MYO3B: variants seen among roughly 807,000 people sequenced by gnomAD.
MYO3B encodes myosin-IIIb.
MYO3B carries 156 observed loss-of-function variants against 174.6 expected under a neutral mutation model. The observed-to-expected ratio is 0.89, with a 90% CI of 0.78 to 1.02. The LOEUF is 1.02. Ranked by LOEUF, MYO3B falls within the 50% of genes least tolerant of loss-of-function variation. MYO3B has a pLI of 0.00. For synonymous variants in MYO3B, 563 were observed against 569.1 expected (o/e 0.99, Z 0.15); for missense variants, 1,632 against 1,639.4 (o/e 1.00, Z 0.08).
chr2:170,542,940 GA>G lies in MYO3B; in HGVS notation c.3611del (p.Asp1204ValfsTer32). 6.2e-7 allele frequency: 1 copy of G among 1,609,900 alleles called. No individual in the cohort carries two copies. The highest frequency in any genetic ancestry group is 8.5e-7 in the Non-Finnish European group (1 of 1,177,788). ...AGCCCAGAGTTCTCCAAAAGGGTGCGATATCTTCGCAGGACATGCAAACAAG... is the reference window on the plus strand; with the variant it reads ...AGCCCAGAGTTCTCCAAAAGGGTGCGTATCTTCGCAGGACATGCAAACAAG... The part of the protein sequence containing the change: ...SQAQSSPKGC[D>X]IFAGHANKHS... On this transcript the variant is annotated frameshift_variant, in exon 31 of 35. Transcript: ENST00000408978. LOFTEE classifies it high-confidence loss of function.
chr2:170,402,030 G>A (rs1350186913), intron 18 of MYO3B, among the ~76,000 whole-genome samples: 4 of 152,278 alleles, frequency 2.6e-5, no homozygotes, highest in South Asian at 4.1e-4. Flanking sequence ...ATTTGTACCC[G>A]AGAGGCAAAG....
chr2:170,254,582 C>T (rs1168620237), intron 7 of MYO3B, among the ~76,000 whole-genome samples: 2 of 152,200 alleles, frequency 1.3e-5, no homozygotes, highest in African/African-American at 4.8e-5. Flanking sequence ...AGTTCAGCAC[C>T]ACCCCCAGCA....
chr2:170,290,368 G>A (rs13007603), intron 7 of MYO3B, among the ~76,000 whole-genome samples: 100,868 of 151,934 alleles, frequency 0.66, 33,704 homozygotes, highest in Admixed American at 0.73. Context: ...CCACTGTTGG[G>A]TGCATATATA....
chr2:170,307,514 T>A (rs1274865261), intron 7 of MYO3B, among the ~76,000 whole-genome samples: 1 of 152,210 alleles, frequency 6.6e-6, no homozygotes, highest in Non-Finnish European at 1.5e-5. Flanking sequence ...GTACATGTGA[T>A]CCTCTTAAAC....
At chr2:170,456,791 CAG>C (rs2105940521) in intron 23 of MYO3B, among the ~76,000 whole-genome samples, 1 of 152,288 alleles carries the variant, frequency 6.6e-6, no homozygotes, top group African/African-American at 2.4e-5. Flanking sequence ...ATGAGGAAAA[CAG>C]AGGCTTTTAA....
intron 7 of MYO3B, among the ~76,000 whole-genome samples, chr2:170,251,397 G>T (rs543245442): frequency 1.4e-4 from 22 of 152,172 alleles, no homozygotes; most frequent in African/African-American, 5.1e-4. Context: ...TAGGAAAATG[G>T]TTTTTATAGG....
chr2:170,324,725 T>C (rs1380043027), intron 7 of MYO3B, among the ~76,000 whole-genome samples: 1 of 152,250 alleles, frequency 6.6e-6, no homozygotes, highest in Non-Finnish European at 1.5e-5. Flanking sequence ...TTCTTTGCCA[T>C]GTGGCAGATA....
At chr2:170,597,664 C>T (rs182473757) in intron 32 of MYO3B, among the ~76,000 whole-genome samples, 1 of 152,266 alleles carries the variant, frequency 6.6e-6, no homozygotes, top group Admixed American at 6.5e-5. Context: ...AAAAGATGGT[C>T]TCAGTTTCTG....
intron 32 of MYO3B, among the ~76,000 whole-genome samples, chr2:170,577,602 C>A (rs1272241033): frequency 6.6e-6 from 1 of 152,202 alleles, no homozygotes; most frequent in East Asian, 1.9e-4. Context: ...CTGTTGATTA[C>A]AAGAATATGA....
At chr2:170,189,616 ACT>A (rs1198417569) in intron 1 of MYO3B, among the ~76,000 whole-genome samples, 1 of 151,470 alleles carries the variant, frequency 6.6e-6, no homozygotes, top group Non-Finnish European at 1.5e-5. Context: ...TGCTGTTGAG[ACT>A]CTGATGCATT....
At chr2:170,456,164 G>C (rs185877327) in intron 23 of MYO3B, among the ~76,000 whole-genome samples, 1 of 152,060 alleles carries the variant, frequency 6.6e-6, no homozygotes, top group East Asian at 1.9e-4. Flanking sequence ...ATATTTTGGT[G>C]GGGGGGTGGG....
chr2:170,180,917 T>C (rs1020519548), intron 1 of MYO3B, among the ~76,000 whole-genome samples: 1 of 152,202 alleles, frequency 6.6e-6, no homozygotes, highest in Non-Finnish European at 1.5e-5. Context: ...TGGCATTCTT[T>C]CCATATTAAT....
chr2:170,278,892 G>C (rs13011495), intron 7 of MYO3B, among the ~76,000 whole-genome samples: 140,375 of 152,178 alleles, frequency 0.92, 65,681 homozygotes, highest in Non-Finnish European at 1. Context: ...CTTTCAGTTT[G>C]TAGGTTATTT....
chr2:170,601,902 A>G, intron 32 of MYO3B: 1 of 845,586 alleles, frequency 1.2e-6, no homozygotes, highest in East Asian at 2.4e-5. Context: ...TTTTTGGGCA[A>G]TACTCAGAGC....
intron 32 of MYO3B, among the ~76,000 whole-genome samples, chr2:170,544,848 G>A (rs1047332483): frequency 2.0e-5 from 3 of 152,110 alleles, no homozygotes; most frequent in Non-Finnish European, 4.4e-5. Flanking sequence ...CCCGACAAAG[G>A]AAATATTTTC....
chr2:170,612,660 G>C (rs1035615474), intron 32 of MYO3B, among the ~76,000 whole-genome samples: 2 of 152,180 alleles, frequency 1.3e-5, no homozygotes, highest in Non-Finnish European at 2.9e-5. Flanking sequence ...AGTGGAGGCA[G>C]GAGTTAGAGG....
intron 32 of MYO3B, among the ~76,000 whole-genome samples, chr2:170,600,479 C>T (rs1362662522): frequency 2.0e-5 from 3 of 152,096 alleles, no homozygotes; most frequent in African/African-American, 7.2e-5. Context: ...AAGTGTCTTC[C>T]TTCCTCTGAT....
intron 7 of MYO3B, among the ~76,000 whole-genome samples, chr2:170,246,581 A>G (rs2093192886): frequency 6.6e-6 from 1 of 151,964 alleles, no homozygotes; most frequent in Non-Finnish European, 1.5e-5. Flanking sequence ...CATCATATAA[A>G]GACAGACACA....
chr2:170,359,081 C>A (rs1410435649), intron 8 of MYO3B, among the ~76,000 whole-genome samples: 1 of 152,134 alleles, frequency 6.6e-6, no homozygotes, highest in Non-Finnish European at 1.5e-5. Flanking sequence ...TAATGATGGT[C>A]ATTAGTGACC....
Sources: gnomAD v4.1 joint callset for allele counts (sites outside exome capture counted in the v4.1 genomes callset) on GRCh38, gnomAD v4.1.1 for gene constraint, MANE v1.5 for transcripts, NCBI Gene and HGNC (gene_info 2026-07-23, HGNC 2026-07-21) for gene names.